POLH: variants seen among roughly 807,000 people sequenced by gnomAD.
POLH encodes the protein DNA polymerase eta transcript.
A neutral mutation model predicts 73.6 loss-of-function variants in POLH; 53 were observed. The observed-to-expected ratio is 0.72, with a 90% CI of 0.58 to 0.91. The LOEUF is 0.91. Ranked by LOEUF, POLH falls within the 40% of genes least tolerant of loss-of-function variation. The pLI, the probability that POLH is intolerant of heterozygous loss-of-function variation, is 0.00. For synonymous variants in POLH, 292 were observed against 308.5 expected, an observed-to-expected ratio of 0.95 and a Z score of 0.56; for missense variants, 768 against 865.4, an observed-to-expected ratio of 0.89 and a Z score of 1.41.
At chr6:43,599,733 ATCTC>A (rs1351517783) in intron 5 of POLH, among the ~76,000 whole-genome samples, 1 of 151,492 alleles carries the variant, frequency 6.6e-6, no homozygotes, top group Non-Finnish European at 1.5e-5. Context: ...TTCTTAACGA[ATCTC>A]TCTAATGAAT....
intron 4 of POLH, among the ~76,000 whole-genome samples, chr6:43,589,980 T>C (rs1173735744): frequency 2.6e-5 from 4 of 152,168 alleles, no homozygotes; most frequent in Non-Finnish European, 5.9e-5. Flanking sequence ...AAAATTGTGA[T>C]ATAATCTGTA....
intron 5 of POLH, 76 bp from the exon 6 acceptor site, chr6:43,600,912 T>A (rs912596626): frequency 1.0e-5 from 9 of 869,732 alleles, no homozygotes; most frequent in African/African-American, 8.2e-5. Context: ...TGTGTGTGTA[T>A]GTTATGTGTA....
intron 5 of POLH, among the ~76,000 whole-genome samples, chr6:43,599,177 C>T (rs545402828): frequency 8.6e-5 from 13 of 151,652 alleles, no homozygotes; most frequent in Non-Finnish European, 1.9e-4. Context: ...TTACTGGAGA[C>T]AGGGTTTCAC....
At position 43,614,610 on chromosome 6, in the gene POLH, T is replaced by C; in HGVS notation, c.*53T>C. On this transcript the variant is annotated 3_prime_UTR_variant, in exon 11 of 11. Transcript: ENST00000372236. ...TTAATATTTTTTATCTTTACAGATC[T>C]TTATCTTTAATATTTTATCTTTACA... The C allele has an allele frequency of 7.1e-7, 1 of 1,403,198 alleles. No homozygotes were observed. 86.9% of individuals were successfully genotyped at this position (1,403,198 alleles called of 1,614,324 possible).
Position 43,604,023 on chromosome 6 carries a change from AT to A in POLH, c.884+20del. The A allele has an allele frequency of 2.2e-5, 35 of 1,608,952 alleles. No individual in the cohort carries two copies. The highest frequency in any genetic ancestry group is 2.9e-5 in the Non-Finnish European group (34 of 1,175,650). Reference sequence around the variant, plus strand: ...GGGGAGAAGAATGGGTAAGTGATTCATTTTTTTTAAAATCATAACCTTTATG... The same window carrying A: ...GGGGAGAAGAATGGGTAAGTGATTCATTTTTTTAAAATCATAACCTTTATG... On this transcript the variant is annotated intron_variant, in intron 7 of 10. Transcript: ENST00000372236.
At position 43,585,363 on chromosome 6, in the gene POLH, T is replaced by G. The variant is rs556883841; in HGVS notation, c.273-1909T>G. Reference sequence around the variant, plus strand: ...AACCATTGGCTATGGGTAATCAACTTGACCTGCAGTATCTCTCTTCCTCTC... The same window carrying G: ...AACCATTGGCTATGGGTAATCAACTGGACCTGCAGTATCTCTCTTCCTCTC... On this transcript the variant is annotated intron_variant, in intron 3 of 10. Coordinates refer to ENST00000372236, the MANE Select transcript of POLH (RefSeq NM_006502.3). 3.9e-5 allele frequency among the ~76,000 whole-genome samples: 6 copies of G among 152,284 alleles called. No homozygotes were observed. In the East Asian group the frequency reaches 1.2e-3, roughly 29 times the overall value.
Position 43,605,288 on chromosome 6 carries a change from TAGAGG to T in POLH, c.1048_1052del (p.Glu350ThrfsTer3). ...TGGCTGTTGCAATTAGCCCAGGAAC[TAGAGG>T]AGAGACTGACTAAAGACCGAAATGA... On this transcript the variant is annotated frameshift_variant, in exon 9 of 11. Coordinates refer to ENST00000372236, the MANE Select transcript of POLH (RefSeq NM_006502.3). LOFTEE classifies it high-confidence loss of function. The T allele has an allele frequency of 6.3e-7, 1 of 1,597,808 alleles. No homozygotes were observed. The highest frequency in any genetic ancestry group is 8.6e-7 in the Non-Finnish European group (1 of 1,165,428).
rs73428626 is a variant in POLH, at chr6:43,618,168, T to A, written c.*3611T>A. 7.8e-3 allele frequency among the ~76,000 whole-genome samples: 1,183 copies of A among 152,234 alleles called. 12 individuals are homozygous for A. Among genetic ancestry groups the A allele is most frequent in the African/African-American group, 0.026 (1,093 of 41,544 alleles). ...TTTATACTACTGTATTATTATTATT[T>A]TTTTTTGAGATGGAGTCTCGCTGTG... On this transcript the variant is annotated 3_prime_UTR_variant, in exon 11 of 11. Coordinates refer to ENST00000372236, the MANE Select transcript of POLH (RefSeq NM_006502.3).
chr6:43,613,622 A>G (rs768130977), intron 10 of POLH, 38 bp from the exon 11 acceptor site: 2 of 1,523,166 alleles, frequency 1.3e-6, no homozygotes, highest in Non-Finnish European at 9.1e-7. Context: ...TTAATCTTCT[A>G]AATTGCTAAT....
At chr6:43,599,268 C>A (rs1460953242) in intron 5 of POLH, among the ~76,000 whole-genome samples, 1 of 152,100 alleles carries the variant, frequency 6.6e-6, no homozygotes, top group Non-Finnish European at 1.5e-5. Context: ...GGATTACAGG[C>A]ATGAGCCACC....
chr6:43,596,802 G>A (rs549516601), intron 4 of POLH, among the ~76,000 whole-genome samples: 131 of 152,272 alleles, frequency 8.6e-4, no homozygotes, highest in African/African-American at 3.0e-3. Context: ...GGATTAGAGT[G>A]TACATTTGGG....
At chr6:43,579,363 CT>C (rs1440079218) in intron 1 of POLH, among the ~76,000 whole-genome samples, 1 of 152,154 alleles carries the variant, frequency 6.6e-6, no homozygotes, top group Non-Finnish European at 1.5e-5. Context: ...TAGATCATAT[CT>C]TTTTTGTCCA....
At position 43,590,460 on chromosome 6, in the gene POLH, G is replaced by T. The variant is rs557025910; in HGVS notation, c.490+2971G>T. On this transcript the variant is annotated intron_variant, in intron 4 of 10. Transcript: ENST00000372236. Reference sequence around the variant, plus strand: ...GCATAAGAATGAGGGTTTTTTTTTTGTTTTGGTTTTTGTTTTTCTTTGAGA... The same window carrying T: ...GCATAAGAATGAGGGTTTTTTTTTTTTTTTGGTTTTTGTTTTTCTTTGAGA... Among the ~76,000 whole-genome samples the T allele has an allele frequency of 6.3e-3, 933 of 147,946 alleles. 6 individuals are homozygous for T. Among genetic ancestry groups the T allele is most frequent in the African/African-American group, 0.021 (826 of 40,280 alleles).
intron 10 of POLH, 104 bp from the exon 11 acceptor site, chr6:43,613,556 G>A (rs1768115895): frequency 4.1e-6 from 4 of 976,354 alleles, no homozygotes; most frequent in Non-Finnish European, 6.4e-6. Flanking sequence ...GATTAAATCT[G>A]TCCTATGGTG....
At chr6:43,586,093 G>A (rs1764795435) in intron 3 of POLH, among the ~76,000 whole-genome samples, 1 of 152,118 alleles carries the variant, frequency 6.6e-6, no homozygotes, top group Non-Finnish European at 1.5e-5. Flanking sequence ...TGGTGAAGAG[G>A]TACCGATGTT....
intron 1 of POLH, among the ~76,000 whole-genome samples, chr6:43,577,102 C>A (rs1763440532): frequency 6.6e-6 from 1 of 152,144 alleles, no homozygotes; most frequent in Admixed American, 6.5e-5. Flanking sequence ...TCGCTTGAAC[C>A]CGGGAGGCGG....
intron 9 of POLH, among the ~76,000 whole-genome samples, chr6:43,608,526 C>T (rs1170778473): frequency 6.6e-6 from 1 of 152,050 alleles, no homozygotes; most frequent in East Asian, 1.9e-4. Context: ...TTTCTTTCCA[C>T]TTTTTTTTCC....
intron 4 of POLH, among the ~76,000 whole-genome samples, chr6:43,589,974 T>A (rs1166825935): frequency 1.3e-5 from 2 of 152,120 alleles, no homozygotes; most frequent in Non-Finnish European, 2.9e-5. Flanking sequence ...CTAAAAAAAA[T>A]TGTGATATAA....
Position 43,603,987 on chromosome 6 carries a change from A to G in POLH, c.860A>G (p.Gln287Arg). 2 of 1,613,410 alleles carry G rather than the reference A, an allele frequency of 1.2e-6. No individual in the cohort carries two copies. Among genetic ancestry groups the G allele is most frequent in the Non-Finnish European group, 8.5e-7 (1 of 1,179,338 alleles). ...ELTQFTESQL[Q>R]SHFGEKNGSW... ...ACCCAGTTCACTGAATCCCAGCTCC[A>G]GAGTCATTTTGGGGAGAAGAATGGG... Residue 287 changes from glutamine (Q) to arginine (R), a missense_variant, in exon 7 of 11, where the codon CAG becomes CGG. By Grantham distance (43) the Gln-to-Arg change is conservative. Transcript: ENST00000372236.
Sources: gnomAD v4.1 joint callset for allele counts (sites outside exome capture counted in the v4.1 genomes callset) on GRCh38, gnomAD v4.1.1 for gene constraint, MANE v1.5 for transcripts, NCBI Gene and HGNC (gene_info 2026-07-23, HGNC 2026-07-21) for gene names.